Variants in WASF1 observed in about 807,000 individuals in gnomAD.
WASF1 encodes the protein WASP family member 1, also known as actin-binding protein WASF1.
Under a neutral mutation model 50.5 loss-of-function variants are expected in WASF1, and 7 were observed. The ratio of observed to expected loss-of-function variants is 0.14; its 90% CI spans 0.08 to 0.26. The LOEUF (loss-of-function observed/expected upper bound fraction) is 0.26. Among genes scored for constraint, WASF1 ranks in the 10% least tolerant of loss-of-function variants. The pLI is 1.00. For synonymous variants in WASF1, 205 were observed against 244.0 expected, an observed-to-expected ratio of 0.84 and a Z score of 1.49; for missense variants, 470 against 694.7, an observed-to-expected ratio of 0.68 and a Z score of 3.64.
intron 4 of WASF1, among the ~76,000 whole-genome samples, chr6:110,118,082 T>C (rs1773892316): frequency 6.6e-6 from 1 of 151,922 alleles, no homozygotes; most frequent in Non-Finnish European, 1.5e-5. Context: ...AGAACATCGA[T>C]GCTAGGAAGA....
At chr6:110,105,604 G>A (rs771205834) in intron 7 of WASF1, 25 bp from the exon 8 acceptor site, 2 of 1,604,988 alleles carry the variant, frequency 1.2e-6, no homozygotes, top group Non-Finnish European at 1.7e-6. Flanking sequence ...TTGAAACAAA[G>A]TCAAATGCTT....
chr6:110,152,093 TAA>T (rs1562184110), intron 3 of WASF1, among the ~76,000 whole-genome samples: 1 of 152,206 alleles, frequency 6.6e-6, no homozygotes, highest in Non-Finnish European at 1.5e-5. Flanking sequence ...TTTAAAGATA[TAA>T]TTATGGTCAA....
chr6:110,125,208 A>C (rs541841696), intron 4 of WASF1, among the ~76,000 whole-genome samples: 1 of 152,090 alleles, frequency 6.6e-6, no homozygotes, highest in African/African-American at 2.4e-5. Flanking sequence ...AAAATTAAAC[A>C]TAATTTAATT....
Position 110,100,360 on chromosome 6 carries a change from G to A in WASF1, c.*162C>T. 3 of 674,790 alleles carry A rather than the reference G, an allele frequency of 4.4e-6. No homozygotes were observed. The highest frequency in any genetic ancestry group is 6.9e-6 in the Non-Finnish European group (3 of 432,610). 41.8% of individuals were successfully genotyped at this position (674,790 alleles called of 1,614,324 possible). On this transcript the variant is annotated 3_prime_UTR_variant, in exon 11 of 11. Transcript: ENST00000392589. ...CACTGTAAAACATTTAGTTTGAAATGTATGCTAATATTTTCCTTAGAAATC... is the reference window on the plus strand; with the variant it reads ...CACTGTAAAACATTTAGTTTGAAATATATGCTAATATTTTCCTTAGAAATC...
At chr6:110,116,403 T>C (rs1038313656) in intron 4 of WASF1, among the ~76,000 whole-genome samples, 1 of 152,050 alleles carries the variant, frequency 6.6e-6, no homozygotes, top group Non-Finnish European at 1.5e-5. Flanking sequence ...GCTCGGCGGG[T>C]CCCACGCCCA....
intron 4 of WASF1, among the ~76,000 whole-genome samples, chr6:110,126,635 G>C (rs971195547): frequency 2.3e-4 from 35 of 152,126 alleles, no homozygotes; most frequent in Admixed American, 5.9e-4. Context: ...ACCACTTGGT[G>C]GATATTATCT....
At chr6:110,168,206 T>C (rs1333373593) in intron 2 of WASF1, among the ~76,000 whole-genome samples, 2 of 152,076 alleles carry the variant, frequency 1.3e-5, no homozygotes, top group African/African-American at 4.8e-5. Flanking sequence ...GAGGAACTCA[T>C]AAATCCATCC....
At chr6:110,150,269 T>C (rs1287814581) in intron 3 of WASF1, among the ~76,000 whole-genome samples, 1 of 152,098 alleles carries the variant, frequency 6.6e-6, no homozygotes, top group Non-Finnish European at 1.5e-5. Flanking sequence ...CAAAAATATG[T>C]AACAGAAAAT....
intron 4 of WASF1, among the ~76,000 whole-genome samples, chr6:110,114,921 G>A (rs1243626861): frequency 2.6e-5 from 4 of 151,758 alleles, no homozygotes; most frequent in South Asian, 2.1e-4. Context: ...GTGAAACCCC[G>A]TCTCAACCAA....
chr6:110,173,182 T>C (rs1205867925), intron 2 of WASF1, among the ~76,000 whole-genome samples: 1 of 152,162 alleles, frequency 6.6e-6, no homozygotes, highest in Non-Finnish European at 1.5e-5. Flanking sequence ...AGTTATTCCA[T>C]GCCCTGACAC....
At chr6:110,104,761 C>T (rs577461239) in intron 8 of WASF1, among the ~76,000 whole-genome samples, 12 of 152,302 alleles carry the variant, frequency 7.9e-5, no homozygotes, top group Non-Finnish European at 1.3e-4. Context: ...TGCACTCCAC[C>T]CTGGGCGATA....
intron 2 of WASF1, among the ~76,000 whole-genome samples, chr6:110,165,256 A>G (rs1388728477): frequency 2.0e-5 from 3 of 151,736 alleles, no homozygotes; most frequent in Non-Finnish European, 3.0e-5. Context: ...ACAGAATGTT[A>G]ATAGGCTATA....
chr6:110,132,321 ATTTT>A (rs1219675106), intron 3 of WASF1, among the ~76,000 whole-genome samples: 1 of 151,768 alleles, frequency 6.6e-6, no homozygotes, highest in Non-Finnish European at 1.5e-5. Flanking sequence ...CATTTTATAT[ATTTT>A]ATTTCTTTTT....
chr6:110,139,081 TC>T (rs1198577373), intron 3 of WASF1, among the ~76,000 whole-genome samples: 3 of 152,016 alleles, frequency 2.0e-5, no homozygotes, highest in Admixed American at 6.5e-5. Context: ...CTGGAGGGGG[TC>T]AAGGTGGCAG....
chr6:110,169,103 A>G (rs1455275987), intron 2 of WASF1, among the ~76,000 whole-genome samples: 1 of 151,966 alleles, frequency 6.6e-6, no homozygotes, highest in Non-Finnish European at 1.5e-5. Context: ...ACTAAATGTT[A>G]GGCATCAACA....
chr6:110,152,684 C>T (rs527602484), intron 3 of WASF1, among the ~76,000 whole-genome samples: 1 of 152,264 alleles, frequency 6.6e-6, no homozygotes, highest in South Asian at 2.1e-4. Flanking sequence ...TGCAGAGAAT[C>T]CAGCCAAGCC....
chr6:110,101,752 G>A lies in WASF1; in HGVS notation c.1358C>T (p.Ser453Phe). 6.2e-7 allele frequency: 1 copy of A among 1,614,156 alleles called. No homozygotes were observed. The highest frequency in any genetic ancestry group is 8.5e-7 in the Non-Finnish European group (1 of 1,180,022). Residue 453 changes from serine (S) to phenylalanine (F), a missense_variant, in exon 10 of 11, where the codon TCT becomes TTT. Ser to Phe is a radical substitution (Grantham distance 155). This residue lies in a region of WASF1 where 294 missense variants were observed against 343.5 expected (regional missense o/e 0.86). Coordinates refer to ENST00000392589, the MANE Select transcript of WASF1 (RefSeq NM_003931.3). ...AGTAGATGGAGTTGGATGTAGCCCA[G>A]AGGGAGGATGAGCAAGAGCTGTAAC... ...VTVTALAHPP[S>F]GLHPTPSTAP...
chr6:110,129,536 A>C (rs1774568126), intron 3 of WASF1, among the ~76,000 whole-genome samples: 4 of 152,166 alleles, frequency 2.6e-5, no homozygotes, highest in Non-Finnish European at 5.9e-5. Flanking sequence ...TAGCAAAAAA[A>C]CCTTCACATT....
chr6:110,101,509 G>A, intron 10 of WASF1, 79 bp downstream of exon 10: 2 of 1,509,786 alleles, frequency 1.3e-6, no homozygotes, highest in Non-Finnish European at 1.8e-6. Flanking sequence ...TATAGATAAG[G>A]AACACATTTT....
Sources: allele counts gnomAD v4.1 joint callset (sites outside exome capture counted in the v4.1 genomes callset), GRCh38; gene constraint gnomAD v4.1.1; regional missense constraint gnomAD v4.1.1; transcripts MANE v1.5; gene names NCBI Gene and HGNC (gene_info 2026-07-23, HGNC 2026-07-21).